The following ZNF875 variants were observed in gnomAD, a reference collection of about 807,000 sequenced individuals.
ZNF875 encodes zinc finger protein 875, also known as HKR1, GLI-Kruppel zinc finger family member.
ZNF875 carries 14 observed loss-of-function variants against 11.2 expected under a neutral mutation model. The ratio of observed to expected loss-of-function variants is 1.26; its 90% confidence interval spans 0.83 to 1.96. The LOEUF (loss-of-function observed/expected upper bound fraction) is 1.96. ZNF875 is among the 30% of genes most tolerant of loss of function. The probability of loss-of-function intolerance (pLI) is 0.00; values close to 1 mark genes in which losing one functional copy is unlikely to be tolerated. For missense variants in ZNF875, 752 were observed against 760.4 expected, an observed-to-expected ratio of 0.99 and a Z score of 0.13; for synonymous variants, 301 against 281.1, an observed-to-expected ratio of 1.07 and a Z score of -0.71.
At chr19:37,351,343 A>G (rs989280132) in intron 4 of ZNF875, among the ~76,000 whole-genome samples, 3 of 151,960 alleles carry the variant, frequency 2.0e-5, no homozygotes, top group Non-Finnish European at 1.5e-5. Context: ...ATTTTATCTA[A>G]AGGTTTATTA....
chr19:37,336,535 A>G (rs1321174401), intron 2 of ZNF875, among the ~76,000 whole-genome samples: 5 of 149,652 alleles, frequency 3.3e-5, no homozygotes, highest in Admixed American at 1.3e-4. Context: ...TCCTGACCTC[A>G]TGATCCACCC....
rs2040319149 is a variant in ZNF875, at chr19:37,363,469, T to C, written c.1617T>C (p.Cys539=). Residue 539 remains cysteine, a synonymous_variant, in exon 5 of 5, where the codon TGT becomes TGC. Coordinates refer to ENST00000392153, the MANE Select transcript of ZNF875 (RefSeq NM_001353803.2). ...AAAAGCCTTTTATGTGCAGGGAGTGTGGCAGAAGGTTTCGGCAGAAGCCTA... is the reference window on the plus strand; with the variant it reads ...AAAAGCCTTTTATGTGCAGGGAGTGCGGCAGAAGGTTTCGGCAGAAGCCTA... ...SGEKPFMCRE[C]GRRFRQKPNL... is the part of the protein sequence containing the mutation. 1 of 1,613,830 alleles carries C rather than the reference T, an allele frequency of 6.2e-7. No homozygotes were observed. Among genetic ancestry groups the C allele is most frequent in the Non-Finnish European group, 8.5e-7 (1 of 1,179,868 alleles).
rs981209055 is a variant in ZNF875, at chr19:37,362,548, G to T, written c.696G>T (p.Gly232=). The change falls in exon 5 of 5, where the codon GGG becomes GGT. Residue 232 remains glycine, a synonymous_variant. Transcript: ENST00000392153. ...GFGEIKYEEF[G]PGFIKESNLL... ...GAGAAATCAAATATGAAGAGTTTGG[G>T]CCAGGCTTTATCAAGGAGTCAAACC... 4 of 1,614,072 alleles carry T rather than the reference G, an allele frequency of 2.5e-6. No homozygotes were observed. Among genetic ancestry groups the T allele is most frequent in the African/African-American group, 1.3e-5 (1 of 74,928 alleles).
At chr19:37,348,521 T>C (rs1440409654) in intron 4 of ZNF875, among the ~76,000 whole-genome samples, 2 of 152,232 alleles carry the variant, frequency 1.3e-5, no homozygotes, top group Admixed American at 6.5e-5. Context: ...TTTAAAACTT[T>C]ATATCAATGT....
At chr19:37,328,108 T>C (rs6508716) in intron 4 of ZNF875, among the ~76,000 whole-genome samples, 41,679 of 151,962 alleles carry the variant, frequency 0.27, 7,185 homozygotes, top group African/African-American at 0.48. Flanking sequence ...GGTGTGGTGG[T>C]GCATGCGTGT....
At chr19:37,359,157 C>T (rs962636477) in intron 4 of ZNF875, among the ~76,000 whole-genome samples, 2 of 152,148 alleles carry the variant, frequency 1.3e-5, no homozygotes, top group African/African-American at 4.8e-5. Flanking sequence ...CCTCAGCCTT[C>T]CAAAGTGCTG....
chr19:37,338,283 C>T (rs11666602), intron 2 of ZNF875, among the ~76,000 whole-genome samples: 1,926 of 152,204 alleles, frequency 0.013, 37 homozygotes, highest in East Asian at 0.055. Context: ...CCACCACGCC[C>T]GGCTAATTTT....
intron 2 of ZNF875, 127 bp from the exon 3 acceptor site, chr19:37,347,063 C>G (rs2036928970): frequency 1.6e-6 from 2 of 1,225,154 alleles, no homozygotes; most frequent in African/African-American, 3.0e-5. Flanking sequence ...GTGATCCGCC[C>G]ACCTTGGCCT....
rs868155803 is a variant in ZNF875 at position 37,363,773 on chromosome 19, T to A, written c.1921T>A (p.Ter641LysextTer45). ...LIRHQRTHSG* is the reference protein window; with the variant it reads ...LIRHQRTHSGK ...CAGACATCAGAGGACACACTCAGGATAGAAACTTTATGTGTATAGGGAATG... is the reference window on the plus strand; with the variant it reads ...CAGACATCAGAGGACACACTCAGGAAAGAAACTTTATGTGTATAGGGAATG... Residue 641 changes from the stop codon to lysine (K), a stop_lost, in exon 5 of 5, where the codon TAG becomes AAG. Transcript: ENST00000392153. 7 of 1,612,666 alleles carry A rather than the reference T, an allele frequency of 4.3e-6. No homozygotes were observed. Among genetic ancestry groups the A allele is most frequent in the South Asian group, 1.1e-5 (1 of 90,992 alleles).
Position 37,362,697 on chromosome 19 carries a change from A to G in ZNF875, c.845A>G (p.Tyr282Cys), listed in dbSNP as rs772884785. The G allele has an allele frequency of 1.2e-6, 2 of 1,613,512 alleles. No homozygotes were observed. The highest frequency in any genetic ancestry group is 2.2e-5 in the South Asian group (2 of 90,958). ...AGGACACACTCTGGGGGAAAGCCTT[A>G]TGTGTGCAGGGAATGTGGGCGAGGC... ...NPRTHSGGKP[Y>C]VCRECGRGFT... Residue 282 changes from tyrosine to cysteine, a missense_variant, in exon 5 of 5, where the codon TAT (tyrosine) becomes TGT (cysteine). Physicochemically the swap from Tyr to Cys is radical, Grantham distance 194. Coordinates refer to ENST00000392153, the MANE Select transcript of ZNF875 (RefSeq NM_001353803.2).
chr19:37,326,348 C>G (rs2032432049), intron 4 of ZNF875, among the ~76,000 whole-genome samples: 1 of 152,170 alleles, frequency 6.6e-6, no homozygotes, highest in African/African-American at 2.4e-5. Flanking sequence ...CTACCCCACA[C>G]CCCTGCAGTC....
intron 2 of ZNF875, among the ~76,000 whole-genome samples, chr19:37,335,985 G>C (rs577451926): frequency 6.6e-6 from 1 of 152,196 alleles, no homozygotes; most frequent in South Asian, 2.1e-4. Flanking sequence ...CATCCTTACC[G>C]CAGTCACTCA....
intron 4 of ZNF875, among the ~76,000 whole-genome samples, chr19:37,350,396 CTTGCTATTTAAACAAACTGTGAAATAA>C: frequency 6.6e-6 from 1 of 151,914 alleles, no homozygotes. Flanking sequence ...TGATGCCCTG[CTTGCTATTTAAACAAACTGTGAAATAA>C]TTTGTCTCAA....
intron 2 of ZNF875, among the ~76,000 whole-genome samples, chr19:37,335,810 C>T (rs2034255307): frequency 6.6e-6 from 1 of 152,136 alleles, no homozygotes; most frequent in Non-Finnish European, 1.5e-5. Context: ...AACAGTTTAC[C>T]GTTTAATCAT....
At chr19:37,313,074 A>C (rs2030030743), upstream of ZNF875, 1 of 152,302 alleles carries the variant, frequency 6.6e-6, no homozygotes, top group African/African-American at 2.4e-5. Context: ...GGGAATGGTC[A>C]GCTTCTCTCC....
At chr19:37,325,268 C>T (rs1365206859) in intron 4 of ZNF875, among the ~76,000 whole-genome samples, 1 of 152,144 alleles carries the variant, frequency 6.6e-6, no homozygotes, top group Non-Finnish European at 1.5e-5. Context: ...GCTGTCAGCA[C>T]CCGAAGGTAC....
At chr19:37,336,297 ATT>A (rs34434733) in intron 2 of ZNF875, among the ~76,000 whole-genome samples, 175 of 124,300 alleles carry the variant, frequency 1.4e-3, no homozygotes, top group African/African-American at 3.7e-3. Context: ...TTAAGATTGA[ATT>A]TTTTTTTTTT....
chr19:37,332,437 G>A (rs541849384), upstream of ZNF875, among the ~76,000 whole-genome samples: 30 of 152,202 alleles, frequency 2.0e-4, no homozygotes, highest in Admixed American at 1.8e-3. Context: ...GGCTGGTCTC[G>A]AACTCCCGAC....
intron 2 of ZNF875, chr19:37,344,716 T>A (rs898789140): frequency 4.3e-6 from 7 of 1,613,790 alleles, no homozygotes; most frequent in Non-Finnish European, 5.1e-6. Flanking sequence ...TCTACAATGC[T>A]CCCTACATGC....
Sources: gnomAD v4.1 joint callset for allele counts (sites outside exome capture counted in the v4.1 genomes callset) on GRCh38, gnomAD v4.1.1 for gene constraint, MANE v1.5 for transcripts, NCBI Gene and HGNC (gene_info 2026-07-23, HGNC 2026-07-21) for gene names.